Variants in KCNN2 observed in about 807,000 individuals in gnomAD.
KCNN2 encodes small conductance calcium-activated potassium channel protein 2.
Under a neutral mutation model 55.5 loss-of-function variants are expected in KCNN2, and 24 were observed. The observed-to-expected ratio is 0.43, with a 90% confidence interval of 0.31 to 0.61. The LOEUF (loss-of-function observed/expected upper bound fraction) is 0.61, where lower values mean the gene tolerates loss of function less well. Ranked by LOEUF, KCNN2 falls within the 20% of genes least tolerant of loss-of-function variation. KCNN2 has a pLI of 0.08. For synonymous variants in KCNN2, 431 were observed against 336.1 expected (o/e 1.28, Z -3.09); for missense variants, 754 against 853.6 (o/e 0.88, Z 1.45).
Position 114,454,582 on chromosome 5 carries a change from G to C in KCNN2, c.1638-8467G>C, listed in dbSNP as rs553973399. On this transcript the variant is annotated intron_variant, in intron 3 of 7. Transcript: ENST00000673685. ...ATTCTAATATTAGGGTCAGGTATGGGAAGTGAAGGAAAGAGACTAGAAATG... is the reference window on the plus strand; with the variant it reads ...ATTCTAATATTAGGGTCAGGTATGGCAAGTGAAGGAAAGAGACTAGAAATG... Among the ~76,000 whole-genome samples the C allele has an allele frequency of 3.9e-5, 6 of 152,252 alleles. 1 individual carries two copies. The South Asian group carries it at 1.2e-3, about 32-fold the overall frequency.
At position 114,335,284 on chromosome 5, in the gene KCNN2, C is replaced by G. The variant is rs1012178819; in HGVS notation, c.-184-25661C>G. Among the ~76,000 whole-genome samples the G allele has an allele frequency of 2.0e-5, 3 of 152,238 alleles. No homozygotes were observed. In the South Asian group the frequency reaches 6.2e-4, roughly 32 times the overall value. On this transcript the variant is annotated intron_variant, in intron 2 of 10. Transcript: ENST00000512097. ...TCAGCTGTCTGGTTTCTCCCAGATT[C>G]CAGTTCCCCTTATGTGCAGCTGTAT...
intron 1 of KCNN2, among the ~76,000 whole-genome samples, chr5:114,221,041 C>T (rs571185485): frequency 3.9e-5 from 6 of 152,302 alleles, no homozygotes; most frequent in African/African-American, 1.4e-4. Context: ...AAAATAAATT[C>T]AACTCTGTAT....
At position 114,107,563 on chromosome 5, in the gene KCNN2, T is replaced by G. The variant is rs560184919; in HGVS notation, c.-271+51063T>G. Among the ~76,000 whole-genome samples, 7 of 152,004 alleles carry G rather than the reference T, an allele frequency of 4.6e-5. No homozygotes were observed. In the East Asian group the frequency reaches 1.4e-3, roughly 30 times the overall value. Reference sequence around the variant, plus strand: ...CCATGCCTGGCTAATTTTTTTTTTTTAATTTTTAAGTTATTTTGTAGAGAC... The same window carrying G: ...CCATGCCTGGCTAATTTTTTTTTTTGAATTTTTAAGTTATTTTGTAGAGAC... On this transcript the variant is annotated intron_variant, in intron 1 of 10. Transcript: ENST00000512097.
At chr5:114,356,606 A>G (rs1404005095) in intron 2 of KCNN2, among the ~76,000 whole-genome samples, 1 of 152,120 alleles carries the variant, frequency 6.6e-6, no homozygotes, top group Non-Finnish European at 1.5e-5. Context: ...AACAGGAAAA[A>G]CTGAAAAGTT....
chr5:114,490,665 T>C, intron 6 of KCNN2: 1 of 398,132 alleles, frequency 2.5e-6, no homozygotes, highest in East Asian at 3.6e-5. Context: ...TTGTTTTGTC[T>C]TTTTATTTCA....
chr5:114,385,521 A>ACG (rs1758253911), intron 2 of KCNN2, among the ~76,000 whole-genome samples: 1 of 36,538 alleles, frequency 2.7e-5, no homozygotes. Context: ...ACATGCGCGC[A>ACG]CACACACACA....
At chr5:114,460,532 C>T (rs1761145644) in intron 3 of KCNN2, among the ~76,000 whole-genome samples, 1 of 152,138 alleles carries the variant, frequency 6.6e-6, no homozygotes, top group African/African-American at 2.4e-5. Context: ...GTGTGAGCCA[C>T]CACACCTGGC....
intron 2 of KCNN2, among the ~76,000 whole-genome samples, chr5:114,398,831 T>A (rs1264298334): frequency 1.3e-5 from 2 of 152,216 alleles, no homozygotes; most frequent in Non-Finnish European, 2.9e-5. Flanking sequence ...GTTCTTGATT[T>A]GTCTCTCAAC....
At chr5:114,187,597 C>G (rs1397509669) in intron 1 of KCNN2, among the ~76,000 whole-genome samples, 4 of 149,576 alleles carry the variant, frequency 2.7e-5, no homozygotes, top group South Asian at 4.2e-4. Flanking sequence ...GCTCCGCCTC[C>G]CGGGTTCAAG....
intron 2 of KCNN2, among the ~76,000 whole-genome samples, chr5:114,390,386 C>G (rs138807088): frequency 6.6e-6 from 1 of 152,102 alleles, no homozygotes; most frequent in Admixed American, 6.6e-5. Flanking sequence ...TTCATCTAAC[C>G]TTTATTTTCA....
At chr5:114,072,859 A>G (rs1035188445) in intron 1 of KCNN2, among the ~76,000 whole-genome samples, 4 of 152,350 alleles carry the variant, frequency 2.6e-5, no homozygotes, top group South Asian at 2.1e-4. Flanking sequence ...TGAATATTTT[A>G]AAGTTTTTAA....
intron 1 of KCNN2, among the ~76,000 whole-genome samples, chr5:114,080,454 T>G (rs961003267): frequency 6.6e-6 from 1 of 152,336 alleles, no homozygotes; most frequent in Non-Finnish European, 1.5e-5. Flanking sequence ...TTTTTATTTA[T>G]ACATTTAATT....
At chr5:114,228,295 A>T (rs1284238097) in intron 2 of KCNN2, among the ~76,000 whole-genome samples, 2 of 152,144 alleles carry the variant, frequency 1.3e-5, no homozygotes, top group Non-Finnish European at 2.9e-5. Context: ...GTTCTGTTAC[A>T]TGAAGTAAAC....
chr5:114,457,102 G>A (rs1185930631), intron 3 of KCNN2, among the ~76,000 whole-genome samples: 1 of 152,150 alleles, frequency 6.6e-6, no homozygotes. Context: ...AGCATCATAT[G>A]CTATAGATAA....
At chr5:114,495,297 T>TGC (rs1361604490) in intron 7 of KCNN2, among the ~76,000 whole-genome samples, 3 of 152,184 alleles carry the variant, frequency 2.0e-5, no homozygotes, top group African/African-American at 7.2e-5. Flanking sequence ...AAAATTCCAT[T>TGC]TGACCCAATG....
intron 1 of KCNN2, among the ~76,000 whole-genome samples, chr5:114,101,246 G>A (rs1250987149): frequency 6.6e-6 from 1 of 151,612 alleles, no homozygotes; most frequent in Non-Finnish European, 1.5e-5. Flanking sequence ...AAATTTTAGA[G>A]AATATTTGGC....
chr5:114,225,011 T>C (rs1435037876), intron 2 of KCNN2, among the ~76,000 whole-genome samples: 1 of 152,190 alleles, frequency 6.6e-6, no homozygotes, highest in African/African-American at 2.4e-5. Flanking sequence ...AAGAATTGCC[T>C]GAGAAAATCT....
At chr5:114,424,305 T>G (rs1210513620) in intron 3 of KCNN2, among the ~76,000 whole-genome samples, 1 of 152,168 alleles carries the variant, frequency 6.6e-6, no homozygotes, top group Non-Finnish European at 1.5e-5. Context: ...TGAGCACACA[T>G]CAGAAGCATG....
chr5:114,431,075 G>A (rs1759777961), intron 3 of KCNN2, among the ~76,000 whole-genome samples: 1 of 151,976 alleles, frequency 6.6e-6, no homozygotes. Flanking sequence ...TTTGGTTTTG[G>A]TATTAGGGTA....
Sources: gnomAD v4.1 joint callset for allele counts (sites outside exome capture counted in the v4.1 genomes callset) on GRCh38, gnomAD v4.1.1 for gene constraint, MANE v1.5 for transcripts, NCBI Gene and HGNC (gene_info 2026-07-23, HGNC 2026-07-21) for gene names.